Variants in UTP6 observed in about 807,000 individuals in gnomAD.
UTP6 encodes UTP6 small subunit processome component.
UTP6 carries 60 observed loss-of-function variants against 96.5 expected under a neutral mutation model. The observed-to-expected ratio is 0.62, with a 90% CI of 0.51 to 0.77. The LOEUF is 0.77. Ranked by LOEUF, UTP6 falls within the 30% of genes least tolerant of loss-of-function variation. The probability of loss-of-function intolerance (pLI) is 0.00; values close to 1 mark genes in which losing one functional copy is unlikely to be tolerated. For missense variants in UTP6, 637 were observed against 706.5 expected (o/e 0.90, Z 1.12); for synonymous variants, 215 against 240.1 (o/e 0.90, Z 0.96).
rs1909640285 is a variant in UTP6, at chr17:31,863,475, G to A, written c.1678C>T (p.Leu560Phe). The change falls in exon 19 of 19, where the codon CTT becomes TTT. Residue 560 changes from leucine to phenylalanine, a missense_variant. Physicochemically the swap from Leu to Phe is conservative, Grantham distance 22. Transcript: ENST00000261708. ...TGTCCACAGTTCTCAGGTCTACCAA[G>A]GGGGTGGTTCAATTCTTCTTTCATA... ...DYMKEELNHP[L>F]GRPENCGQIY... The A allele has an allele frequency of 1.2e-6, 2 of 1,613,452 alleles. No homozygotes were observed. Among genetic ancestry groups the A allele is most frequent in the Non-Finnish European group, 8.5e-7 (1 of 1,179,818 alleles).
At chr17:31,870,284 C>A (rs1428647852) in intron 16 of UTP6, among the ~76,000 whole-genome samples, 1 of 152,054 alleles carries the variant, frequency 6.6e-6, no homozygotes, top group Non-Finnish European at 1.5e-5. Context: ...ATTTACATTC[C>A]CACCAACAGT....
At chr17:31,873,346 G>C in intron 16 of UTP6, 32 bp downstream of exon 16, 1 of 1,598,908 alleles carries the variant, frequency 6.3e-7, no homozygotes. Flanking sequence ...GGGGTAGAGG[G>C]ACTAGTAACA....
At chr17:31,868,480 T>A (rs527335893) in intron 16 of UTP6, among the ~76,000 whole-genome samples, 29 of 151,844 alleles carry the variant, frequency 1.9e-4, no homozygotes, top group African/African-American at 6.8e-4. Flanking sequence ...CAGGCATACA[T>A]AACCACACAC....
intron 9 of UTP6, 143 bp from the exon 10 acceptor site, chr17:31,884,648 C>A: frequency 1.6e-6 from 1 of 640,446 alleles, no homozygotes; most frequent in South Asian, 2.2e-5. Context: ...AAAGTCATCC[C>A]ATAGTCCCCT....
chr17:31,900,124 C>A (rs1463861240), intron 1 of UTP6, among the ~76,000 whole-genome samples: 2 of 151,534 alleles, frequency 1.3e-5, no homozygotes, highest in Admixed American at 6.6e-5. Context: ...GGCCTGGCGA[C>A]AGAGCAAGAC....
intron 2 of UTP6, among the ~76,000 whole-genome samples, chr17:31,898,451 G>A (rs952858703): frequency 6.6e-6 from 1 of 151,994 alleles, no homozygotes; most frequent in Non-Finnish European, 1.5e-5. Flanking sequence ...CTTGAACCCA[G>A]GAAGCGGAGG....
chr17:31,892,156 C>T, intron 6 of UTP6, 104 bp downstream of exon 6: 5 of 1,307,502 alleles, frequency 3.8e-6, no homozygotes, highest in South Asian at 3.8e-5. Flanking sequence ...TGCCTAAGCT[C>T]AAGTCCTCAA....
intron 9 of UTP6, 42 bp from the exon 10 acceptor site, chr17:31,884,547 A>G (rs1448220638): frequency 1.4e-6 from 2 of 1,466,466 alleles, no homozygotes; most frequent in Middle Eastern, 1.8e-4. Context: ...ATTGCCAATA[A>G]GAATCACTTT....
intron 2 of UTP6, among the ~76,000 whole-genome samples, chr17:31,899,202 T>G (rs1454106254): frequency 6.6e-6 from 1 of 151,350 alleles, no homozygotes; most frequent in African/African-American, 2.4e-5. Flanking sequence ...GAGGCTGAGG[T>G]GGGAGGATGG....
intron 12 of UTP6, 82 bp from the exon 13 acceptor site, chr17:31,878,409 G>T: frequency 7.3e-7 from 1 of 1,377,802 alleles, no homozygotes; most frequent in East Asian, 2.3e-5. Flanking sequence ...AAGCAGTTTT[G>T]CGCATTTCTT....
intron 1 of UTP6, among the ~76,000 whole-genome samples, chr17:31,899,951 C>T (rs1345206705): frequency 1.3e-5 from 2 of 152,062 alleles, no homozygotes; most frequent in African/African-American, 4.8e-5. Flanking sequence ...TGAGACCACC[C>T]TGGTCAACAT....
At chr17:31,893,269 A>C (rs1904432391) in intron 4 of UTP6, among the ~76,000 whole-genome samples, 1 of 151,744 alleles carries the variant, frequency 6.6e-6, no homozygotes. Flanking sequence ...AAAAACAAAC[A>C]AAAAAAATTA....
In UTP6 at chr17:31,884,500, C is replaced by G; in HGVS notation, c.709G>C (p.Glu237Gln). ...KNSVSIIKGA[E>Q]FHVSLLSIAQ... ...ATCGAAAGCAGTGACACGTGAAATT[C>G]TGCACCTAAATTTAAAAAGCAGGGG... Residue 237 changes from glutamate to glutamine, a missense_variant, in exon 10 of 19, where the codon GAA (glutamate) becomes CAA (glutamine). Coordinates refer to ENST00000261708, the MANE Select transcript of UTP6 (RefSeq NM_018428.3). 3.1e-6 allele frequency: 5 copies of G among 1,610,500 alleles called. No homozygotes were observed. The highest frequency in any genetic ancestry group is 4.2e-6 in the Non-Finnish European group (5 of 1,178,612).
At chr17:31,873,592 C>T in intron 15 of UTP6, 81 bp downstream of exon 15, 2 of 1,605,766 alleles carry the variant, frequency 1.2e-6, no homozygotes, top group South Asian at 1.1e-5. Context: ...GCTTTAGGCG[C>T]ACCTGCAACA....
chr17:31,874,002 G>C (rs1910346345), intron 14 of UTP6: 1 of 429,694 alleles, frequency 2.3e-6, no homozygotes, highest in African/African-American at 2.1e-5. Flanking sequence ...TGGCACTCCA[G>C]AACACAGCCA....
chr17:31,888,929 A>G (rs8065309), intron 7 of UTP6, among the ~76,000 whole-genome samples: 133,017 of 151,920 alleles, frequency 0.88, 58,473 homozygotes, highest in African/African-American at 0.96. Flanking sequence ...AAATTTAGCC[A>G]GGCATGGTGG....
In UTP6 at chr17:31,862,304, AAG is replaced by A. The variant is rs1567772545; in HGVS notation, c.*1053_*1054del. The A allele has an allele frequency of 1.3e-5, 2 of 152,098 alleles. No homozygotes were observed. Among genetic ancestry groups the A allele is most frequent in the African/African-American group, 4.8e-5 (2 of 41,374 alleles). The allele number at this position is 152,098 out of a possible 1,614,324, so 9.4% of individuals were successfully genotyped here. A position where few individuals can be genotyped will look rare whatever the true frequency, so the allele number is the denominator to read the frequency against. ...AGCAAGGCTCCATCTCAAAAAAAAA[AAG>A]ACAGTCTAACCAGAGGATTAGTAAA... On this transcript the variant is annotated 3_prime_UTR_variant, in exon 19 of 19. Transcript: ENST00000261708.
intron 2 of UTP6, among the ~76,000 whole-genome samples, chr17:31,897,859 AT>A (rs1289010422): frequency 4.6e-5 from 7 of 152,116 alleles, no homozygotes; most frequent in Admixed American, 4.6e-4. Flanking sequence ...GTCTGACATA[AT>A]TTTTCTTTAT....
chr17:31,884,572 A>G, intron 9 of UTP6, 67 bp from the exon 10 acceptor site: 1 of 1,230,340 alleles, frequency 8.1e-7, no homozygotes, highest in Non-Finnish European at 1.2e-6. Context: ...TAAAAGTAGC[A>G]TTCTTTTCAT....
Sources: gnomAD v4.1 joint callset for allele counts (sites outside exome capture counted in the v4.1 genomes callset) on GRCh38, gnomAD v4.1.1 for gene constraint, MANE v1.5 for transcripts, NCBI Gene and HGNC (gene_info 2026-07-23, HGNC 2026-07-21) for gene names.